The following ARHGAP15 variants were observed in gnomAD, a reference collection of about 807,000 sequenced individuals.
ARHGAP15 encodes the protein Rho GTPase activating protein 15.
Under a neutral mutation model 63.7 loss-of-function variants are expected in ARHGAP15, and 51 were observed. The ratio of observed to expected loss-of-function variants is 0.80; its 90% confidence interval spans 0.64 to 1.01. The LOEUF (loss-of-function observed/expected upper bound fraction) is 1.01. Ranked by LOEUF, ARHGAP15 falls within the 50% of genes least tolerant of loss-of-function variation. The probability of loss-of-function intolerance (pLI) is 0.00; values close to 1 mark genes in which losing one functional copy is unlikely to be tolerated. For synonymous variants in ARHGAP15, 191 were observed against 193.8 expected, an observed-to-expected ratio of 0.99 and a Z score of 0.12; for missense variants, 560 against 564.6, an observed-to-expected ratio of 0.99 and a Z score of 0.08.
intron 12 of ARHGAP15, among the ~76,000 whole-genome samples, chr2:143,689,389 A>C (rs1683492123): frequency 6.6e-6 from 1 of 152,110 alleles, no homozygotes; most frequent in Admixed American, 6.6e-5. Flanking sequence ...GTAGCTTCTT[A>C]ATTGTCTAGC....
intron 9 of ARHGAP15, among the ~76,000 whole-genome samples, chr2:143,506,317 A>G (rs1693319064): frequency 6.6e-6 from 1 of 152,202 alleles, no homozygotes; most frequent in African/African-American, 2.4e-5. Flanking sequence ...TTACCTGAAT[A>G]AATTCTGTGT....
intron 12 of ARHGAP15, among the ~76,000 whole-genome samples, chr2:143,631,908 A>T (rs2105255962): frequency 1.3e-5 from 2 of 152,168 alleles, no homozygotes; most frequent in South Asian, 4.1e-4. Flanking sequence ...AGTCTCAGCC[A>T]GTGAATTTTT....
chr2:143,402,183 TG>T (rs769306001), intron 6 of ARHGAP15, among the ~76,000 whole-genome samples: 2 of 151,950 alleles, frequency 1.3e-5, no homozygotes, highest in Non-Finnish European at 2.9e-5. Context: ...AACACCTCAG[TG>T]TTTTTTTAAT....
intron 6 of ARHGAP15, among the ~76,000 whole-genome samples, chr2:143,311,650 GTT>G (rs1238596706): frequency 6.6e-6 from 1 of 152,072 alleles, no homozygotes; most frequent in Non-Finnish European, 1.5e-5. Flanking sequence ...AGTGAAATCT[GTT>G]TAAGTCACAA....
intron 2 of ARHGAP15, among the ~76,000 whole-genome samples, chr2:143,161,209 A>G (rs2105022353): frequency 6.6e-6 from 1 of 152,068 alleles, no homozygotes; most frequent in East Asian, 1.9e-4. Context: ...AATTATGTAG[A>G]TGACACATTT....
At chr2:143,390,574 G>C (rs1000675461) in intron 6 of ARHGAP15, among the ~76,000 whole-genome samples, 38 of 152,072 alleles carry the variant, frequency 2.5e-4, no homozygotes, top group African/African-American at 8.9e-4. Flanking sequence ...TAAATTCATG[G>C]AGCAGGAGAT....
At position 143,693,533 on chromosome 2, in the gene ARHGAP15, A is replaced by ATCTT. The variant is rs576218235; in HGVS notation, c.1139-9884_1139-9881dup. ...CTTTTTCAGAAGATTAGTTGTCTCA[A>ATCTT]TCTTTTTAAAAGGGAGGATTTGTTC... On this transcript the variant is annotated intron_variant, in intron 12 of 13. Transcript: ENST00000295095. Among the ~76,000 whole-genome samples, 14 of 152,298 alleles carry ATCTT rather than the reference A, an allele frequency of 9.2e-5. No homozygotes were observed. The South Asian group carries it at 2.9e-3, about 32-fold the overall frequency.
At chr2:143,667,411 G>C (rs1682265528) in intron 12 of ARHGAP15, among the ~76,000 whole-genome samples, 1 of 115,548 alleles carries the variant, frequency 8.7e-6, no homozygotes, top group South Asian at 3.6e-4. Flanking sequence ...CACACTCTGG[G>C]GACTGTGGTG....
At chr2:143,313,153 A>T (rs746336382) in intron 6 of ARHGAP15, among the ~76,000 whole-genome samples, 46 of 152,264 alleles carry the variant, frequency 3.0e-4, no homozygotes, top group South Asian at 6.2e-4. Flanking sequence ...TGACAAGATG[A>T]GAGAGAAAAA....
intron 11 of ARHGAP15, among the ~76,000 whole-genome samples, chr2:143,565,281 C>T (rs1184867553): frequency 6.6e-6 from 1 of 152,016 alleles, no homozygotes; most frequent in Non-Finnish European, 1.5e-5. Context: ...ACTATATTTT[C>T]CAGGTGTTCA....
intron 6 of ARHGAP15, among the ~76,000 whole-genome samples, chr2:143,341,857 A>G (rs1685070668): frequency 6.6e-6 from 1 of 152,188 alleles, no homozygotes; most frequent in Admixed American, 6.6e-5. Context: ...TTCACAAAAT[A>G]CTGATTATTC....
intron 3 of ARHGAP15, among the ~76,000 whole-genome samples, chr2:143,207,992 T>C (rs1692407703): frequency 6.6e-6 from 1 of 152,118 alleles, no homozygotes; most frequent in Admixed American, 6.6e-5. Flanking sequence ...CACCATGCCT[T>C]AGGGTGGCTT....
At chr2:143,444,365 G>A (rs1353143356) in intron 8 of ARHGAP15, among the ~76,000 whole-genome samples, 6 of 152,162 alleles carry the variant, frequency 3.9e-5, no homozygotes, top group African/African-American at 9.7e-5. Context: ...TAAAATGGGC[G>A]TATATTAATG....
At chr2:143,144,901 AAAG>A (rs1382071096) in intron 1 of ARHGAP15, among the ~76,000 whole-genome samples, 26 of 152,114 alleles carry the variant, frequency 1.7e-4, no homozygotes, top group Admixed American at 1.7e-3. Context: ...GTATAAAATT[AAAG>A]AATAACTTAC....
chr2:143,164,715 G>C (rs12620962), intron 2 of ARHGAP15, among the ~76,000 whole-genome samples: 41,558 of 151,298 alleles, frequency 0.27, 5,909 homozygotes, highest in East Asian at 0.45. Flanking sequence ...ATTATTATTA[G>C]ATTTCATGTC....
chr2:143,225,155 C>T (rs767586182), intron 4 of ARHGAP15, among the ~76,000 whole-genome samples: 7 of 152,106 alleles, frequency 4.6e-5, no homozygotes, highest in East Asian at 1.9e-4. Context: ...TTTTTGGACA[C>T]GGAATGGTGC....
At chr2:143,738,087 C>T (rs1002495894) in intron 13 of ARHGAP15, among the ~76,000 whole-genome samples, 3 of 150,806 alleles carry the variant, frequency 2.0e-5, no homozygotes, top group South Asian at 2.1e-4. Flanking sequence ...TGAGAAGCAT[C>T]GGCAGCATAT....
intron 6 of ARHGAP15, among the ~76,000 whole-genome samples, chr2:143,415,393 T>C (rs1042199128): frequency 6.6e-6 from 1 of 152,000 alleles, no homozygotes; most frequent in Non-Finnish European, 1.5e-5. Context: ...GAAAAAAATA[T>C]ATTTGCAAGG....
At chr2:143,202,808 G>A (rs1029126717) in intron 3 of ARHGAP15, among the ~76,000 whole-genome samples, 9 of 151,754 alleles carry the variant, frequency 5.9e-5, no homozygotes, top group Non-Finnish European at 1.3e-4. Context: ...AAAATTAATC[G>A]ACTCAACATC....
Sources: gnomAD v4.1 joint callset for allele counts (sites outside exome capture counted in the v4.1 genomes callset) on GRCh38, gnomAD v4.1.1 for gene constraint, MANE v1.5 for transcripts, NCBI Gene and HGNC (gene_info 2026-07-23, HGNC 2026-07-21) for gene names.